The following KALRN variants were observed in gnomAD, a reference collection of about 807,000 sequenced individuals.
The protein encoded by KALRN is kalirin RhoGEF kinase.
A neutral mutation model predicts 353.7 loss-of-function variants in KALRN; 70 were observed. The observed-to-expected ratio is 0.20, with a 90% CI of 0.16 to 0.24. The LOEUF (loss-of-function observed/expected upper bound fraction) is 0.24, where lower values mean the gene tolerates loss of function less well. Ranked by LOEUF, KALRN falls within the 10% of genes least tolerant of loss-of-function variation. The pLI, the probability that KALRN is intolerant of heterozygous loss-of-function variation, is 1.00. For synonymous variants in KALRN, 1,391 were observed against 1,434.8 expected (o/e 0.97, Z 0.69); for missense variants, 2,791 against 3,756.7 (o/e 0.74, Z 6.72).
At chr3:124,629,765 T>C (rs1381590119) in intron 34 of KALRN, among the ~76,000 whole-genome samples, 1 of 151,610 alleles carries the variant, frequency 6.6e-6, no homozygotes, top group Non-Finnish European at 1.5e-5. Context: ...AATTTATCTT[T>C]ATTTTGCATG....
chr3:124,421,925 C>G lies in KALRN; in HGVS notation c.2543-887C>G, dbSNP rs554220010. Among the ~76,000 whole-genome samples the G allele has an allele frequency of 3.3e-5, 5 of 152,274 alleles. No homozygotes were observed. In the South Asian group the frequency reaches 1.0e-3, roughly 32 times the overall value. On this transcript the variant is annotated intron_variant, in intron 14 of 59. Transcript: ENST00000682506. ...CAAGGAATGGGGCAACAGCTTCTGGCTGGCATATATTGACTCAAGGCTCCC... is the reference window on the plus strand; with the variant it reads ...CAAGGAATGGGGCAACAGCTTCTGGGTGGCATATATTGACTCAAGGCTCCC...
At chr3:124,120,744 ATT>A (rs1330633124) in intron 1 of KALRN, among the ~76,000 whole-genome samples, 36 of 138,038 alleles carry the variant, frequency 2.6e-4, no homozygotes, top group South Asian at 4.6e-4. Context: ...ATATATATAT[ATT>A]TTCACATAAT....
At chr3:124,570,032 C>T (rs56822079) in intron 34 of KALRN, among the ~76,000 whole-genome samples, 29,580 of 152,136 alleles carry the variant, frequency 0.19, 3,698 homozygotes, top group East Asian at 0.48. Context: ...ATGGAAGTCC[C>T]CTGCACTTTC....
chr3:124,126,478 G>A (rs2064687857), intron 1 of KALRN, among the ~76,000 whole-genome samples: 1 of 152,164 alleles, frequency 6.6e-6, no homozygotes, highest in South Asian at 2.1e-4. Context: ...GGAGGTTTGT[G>A]TGTGGTCTCA....
chr3:124,454,036 C>A (rs1282346353), intron 21 of KALRN, among the ~76,000 whole-genome samples: 3 of 152,146 alleles, frequency 2.0e-5, no homozygotes, highest in African/African-American at 7.2e-5. Context: ...ATTGAACAAA[C>A]TCTTGCTAAA....
At chr3:124,383,257 GCTGGCTC>G (rs1259002203) in intron 10 of KALRN, among the ~76,000 whole-genome samples, 1 of 152,182 alleles carries the variant, frequency 6.6e-6, no homozygotes, top group Non-Finnish European at 1.5e-5. Flanking sequence ...CAATCAAGAG[GCTGGCTC>G]CACAGCCTCT....
intron 33 of KALRN, among the ~76,000 whole-genome samples, chr3:124,521,835 C>T (rs2067188617): frequency 6.6e-6 from 1 of 152,136 alleles, no homozygotes; most frequent in Admixed American, 6.5e-5. Flanking sequence ...AATACTTTCT[C>T]ATCTCCCAGA....
chr3:124,149,187 C>G (rs1024038380), intron 1 of KALRN, among the ~76,000 whole-genome samples: 1 of 152,204 alleles, frequency 6.6e-6, no homozygotes, highest in African/African-American at 2.4e-5. Context: ...CTAGCAGAAT[C>G]CAAACTGACT....
At chr3:124,209,910 T>C (rs1161527163) in intron 1 of KALRN, among the ~76,000 whole-genome samples, 1 of 152,212 alleles carries the variant, frequency 6.6e-6, no homozygotes, top group African/African-American at 2.4e-5. Flanking sequence ...TAAGTTCCTT[T>C]AATATGTTCT....
At chr3:124,101,062 G>A (rs1002258094) in intron 1 of KALRN, among the ~76,000 whole-genome samples, 1 of 152,198 alleles carries the variant, frequency 6.6e-6, no homozygotes, top group African/African-American at 2.4e-5. Context: ...ACATTGCTAA[G>A]GAACAAACTG....
At chr3:124,433,055 G>A (rs1419624540) in intron 16 of KALRN, among the ~76,000 whole-genome samples, 1 of 152,064 alleles carries the variant, frequency 6.6e-6, no homozygotes, top group African/African-American at 2.4e-5. Context: ...TCCATCAGAA[G>A]GAAAATATGC....
At chr3:124,651,107 G>A (rs573626693) in intron 38 of KALRN, among the ~76,000 whole-genome samples, 169 bp downstream of exon 38, 2 of 152,326 alleles carry the variant, frequency 1.3e-5, no homozygotes, top group East Asian at 3.9e-4. Flanking sequence ...GAGCCACTTT[G>A]GCACTGACTT....
intron 34 of KALRN, among the ~76,000 whole-genome samples, chr3:124,576,333 C>A (rs918302068): frequency 6.6e-6 from 1 of 151,930 alleles, no homozygotes; most frequent in African/African-American, 2.4e-5. Context: ...ACAGTAGCTG[C>A]CATGTAAGAA....
intron 21 of KALRN, among the ~76,000 whole-genome samples, chr3:124,452,214 C>T (rs1004067579): frequency 2.6e-5 from 4 of 152,176 alleles, no homozygotes; most frequent in African/African-American, 9.7e-5. Flanking sequence ...TGTCTAAGTG[C>T]ACTTATCCAA....
chr3:124,481,995 A>G (rs1330471063), intron 27 of KALRN, among the ~76,000 whole-genome samples: 2 of 152,214 alleles, frequency 1.3e-5, no homozygotes, highest in Non-Finnish European at 2.9e-5. Flanking sequence ...TGACCCTTAG[A>G]ACCCCTAGAC....
chr3:124,107,866 A>C (rs1265645954), intron 1 of KALRN, among the ~76,000 whole-genome samples: 1 of 152,204 alleles, frequency 6.6e-6, no homozygotes, highest in Non-Finnish European at 1.5e-5. Flanking sequence ...GGTCTTGAGG[A>C]CTTAAGAGAG....
chr3:124,511,207 C>T (rs1458016068), intron 33 of KALRN, among the ~76,000 whole-genome samples: 2 of 152,126 alleles, frequency 1.3e-5, no homozygotes, highest in East Asian at 3.8e-4. Context: ...TGCCATGTTG[C>T]TTAGCATAAA....
intron 1 of KALRN, among the ~76,000 whole-genome samples, chr3:124,102,739 T>G (rs1245303790): frequency 6.6e-6 from 1 of 152,244 alleles, no homozygotes; most frequent in African/African-American, 2.4e-5. Context: ...CTTTGTATTT[T>G]CACCTAGATA....
chr3:124,413,883 A>C (rs946282136), intron 14 of KALRN, among the ~76,000 whole-genome samples: 1 of 152,150 alleles, frequency 6.6e-6, no homozygotes, highest in Non-Finnish European at 1.5e-5. Flanking sequence ...AGGTGAGTGG[A>C]TCATTTGAGG....
Sources: gnomAD v4.1 joint callset for allele counts (sites outside exome capture counted in the v4.1 genomes callset) on GRCh38, gnomAD v4.1.1 for gene constraint, MANE v1.5 for transcripts, NCBI Gene and HGNC (gene_info 2026-07-23, HGNC 2026-07-21) for gene names.